Variants in GTF2A2 observed in about 807,000 individuals in gnomAD.
The protein encoded by GTF2A2 is transcription initiation factor IIA subunit 2.
A neutral mutation model predicts 14.3 loss-of-function variants in GTF2A2; 9 were observed. The ratio of observed to expected loss-of-function variants is 0.63; its 90% CI spans 0.38 to 1.10. The LOEUF (loss-of-function observed/expected upper bound fraction) is 1.10. GTF2A2 is among the 50% of genes least tolerant of loss of function. GTF2A2 has a pLI of 0.01. For synonymous variants in GTF2A2, 56 were observed against 46.0 expected (o/e 1.22, Z -0.88); for missense variants, 90 against 124.6 (o/e 0.72, Z 1.32).
intron 1 of GTF2A2, among the ~76,000 whole-genome samples, chr15:59,655,561 G>T (rs1356452458): frequency 6.6e-6 from 1 of 152,140 alleles, no homozygotes; most frequent in African/African-American, 2.4e-5. Context: ...CTGTTTGCTG[G>T]TTGATCCCGT....
Position 59,638,397 on chromosome 15 carries a change from A to G in GTF2A2, c.*735T>C, listed in dbSNP as rs2141952157. 1 of 152,102 alleles carries G rather than the reference A, an allele frequency of 6.6e-6. No individual in the cohort carries two copies. Among genetic ancestry groups the G allele is most frequent in the South Asian group, 2.1e-4 (1 of 4,812 alleles). The allele number at this position is 152,102 out of a possible 1,614,324, so 9.4% of individuals were successfully genotyped here. A position where few individuals can be genotyped will look rare whatever the true frequency, so the allele number is the denominator to read the frequency against. On this transcript the variant is annotated 3_prime_UTR_variant, in exon 5 of 5. Coordinates refer to ENST00000396060, the MANE Select transcript of GTF2A2 (RefSeq NM_004492.3). The stretch of plus-strand genomic sequence containing the variant: ...TGCAAGCACAATCCACTGACATAAA[A>G]GTCTAATAATTAGACTTTATTGTAA...
chr15:59,639,364 A>T (rs1891308347), intron 4 of GTF2A2, among the ~76,000 whole-genome samples: 1 of 152,154 alleles, frequency 6.6e-6, no homozygotes, highest in African/African-American at 2.4e-5. Flanking sequence ...AAAGATGCTT[A>T]GCTCCTCATA....
Position 59,644,601 on chromosome 15 carries a change from A to G in GTF2A2, c.178-2339T>C, listed in dbSNP as rs187940337. Among the ~76,000 whole-genome samples, 3 of 152,366 alleles carry G rather than the reference A, an allele frequency of 2.0e-5. No homozygotes were observed. In the East Asian group the frequency reaches 5.8e-4, roughly 29 times the overall value. On this transcript the variant is annotated intron_variant, in intron 3 of 4. Transcript: ENST00000396060. ...ATACGTAGTATAACAGTGCTATGAA[A>G]GAGTAAGTTACTGGGTACAATGAGA...
intron 3 of GTF2A2, among the ~76,000 whole-genome samples, chr15:59,643,995 A>G (rs1289993894): frequency 6.6e-6 from 1 of 152,136 alleles, no homozygotes; most frequent in Non-Finnish European, 1.5e-5. Flanking sequence ...CCCAGGTTCA[A>G]GTGATTCTCC....
At chr15:59,650,582 A>T (rs111866289) in intron 3 of GTF2A2, 87 bp downstream of exon 3, 5 of 700,564 alleles carry the variant, frequency 7.1e-6, no homozygotes, top group Non-Finnish European at 1.2e-5. Flanking sequence ...TCCTCTTATG[A>T]TTAATAAATA....
intron 3 of GTF2A2, among the ~76,000 whole-genome samples, chr15:59,650,207 T>A (rs751088991): frequency 6.6e-6 from 1 of 152,176 alleles, no homozygotes; most frequent in Non-Finnish European, 1.5e-5. Context: ...TTATCTACCA[T>A]TAGAGATCAG....
At chr15:59,639,792 C>G (rs1376060740) in intron 4 of GTF2A2, among the ~76,000 whole-genome samples, 3 of 151,228 alleles carry the variant, frequency 2.0e-5, no homozygotes, top group African/African-American at 7.3e-5. Context: ...ACTGTGTTGC[C>G]CAGGCTGGAG....
At chr15:59,646,128 C>G (rs985421457) in intron 3 of GTF2A2, among the ~76,000 whole-genome samples, 69 of 151,988 alleles carry the variant, frequency 4.5e-4, no homozygotes, top group African/African-American at 1.5e-3. Context: ...GTGATCTTGG[C>G]TCACTGCAAC....
intron 4 of GTF2A2, among the ~76,000 whole-genome samples, chr15:59,639,893 G>A (rs796088702): frequency 6.6e-6 from 1 of 152,102 alleles, no homozygotes; most frequent in African/African-American, 2.4e-5. Context: ...TGGGATTACA[G>A]GCGGGTACCA....
At chr15:59,640,823 A>C (rs1226097998) in intron 4 of GTF2A2, among the ~76,000 whole-genome samples, 4 of 152,092 alleles carry the variant, frequency 2.6e-5, no homozygotes, top group African/African-American at 9.7e-5. Flanking sequence ...AAACAGCACC[A>C]CCTTCACAGG....
Position 59,642,260 on chromosome 15 carries a change from G to A in GTF2A2, c.180C>T (p.Gly60=). 4 of 1,595,196 alleles carry A rather than the reference G, an allele frequency of 2.5e-6. No individual in the cohort carries two copies. Among genetic ancestry groups the A allele is most frequent in the Non-Finnish European group, 1.7e-6 (2 of 1,172,842 alleles). Residue 60 remains glycine (G), a splice_region_variant and synonymous_variant, in exon 4 of 5, where the codon GGC becomes GGT. Transcript: ENST00000396060. ...QRVRNRVNFR[G]SLNTYRFCDN... is the part of the protein sequence containing the mutation. ...CGCAGAATCTGTACGTATTTAGAGA[G>A]CCCTTTAAAACAAAACATTTAGAAA...
chr15:59,657,053 G>C (rs1426098315), intron 1 of GTF2A2: 5 of 152,264 alleles, frequency 3.3e-5, no homozygotes, highest in African/African-American at 1.2e-4. Flanking sequence ...ACAGGAATGA[G>C]ACATTTAAAA....
chr15:59,642,307 C>G (rs1323335476), intron 3 of GTF2A2, 45 bp from the exon 4 acceptor site: 1 of 1,530,430 alleles, frequency 6.5e-7, no homozygotes. Context: ...GTTTTTTCCC[C>G]TCACATTTTT....
intron 1 of GTF2A2, 89 bp from the exon 2 acceptor site, chr15:59,652,415 T>C (rs549205369): frequency 3.4e-6 from 2 of 586,762 alleles, no homozygotes; most frequent in African/African-American, 1.9e-5. Context: ...AATATTCTAA[T>C]ATAGAACTAG....
At chr15:59,647,631 T>A (rs1891648492) in intron 3 of GTF2A2, among the ~76,000 whole-genome samples, 1 of 152,130 alleles carries the variant, frequency 6.6e-6, no homozygotes, top group African/African-American at 2.4e-5. Context: ...CAAGCTAGAG[T>A]GCAGTGGCGC....
intron 3 of GTF2A2, among the ~76,000 whole-genome samples, chr15:59,649,806 G>A (rs1364120250): frequency 6.6e-6 from 1 of 151,990 alleles, no homozygotes; most frequent in Non-Finnish European, 1.5e-5. Flanking sequence ...TTTCATCTCT[G>A]TGTATCTAGA....
At chr15:59,644,447 A>G (rs1430311934) in intron 3 of GTF2A2, 5 of 152,242 alleles carry the variant, frequency 3.3e-5, no homozygotes, top group Non-Finnish European at 2.9e-5. Context: ...GATAGCTATG[A>G]ATGAATGAAT....
rs1891279523 is a variant in GTF2A2, at chr15:59,638,931, A to T, written c.*201T>A. ...AAGGCAACAACTTTTGTCCTTAAAA[A>T]AAAGTTATGGTTTTTCATGCTGTAT... On this transcript the variant is annotated 3_prime_UTR_variant, in exon 5 of 5. Coordinates refer to ENST00000396060, the MANE Select transcript of GTF2A2 (RefSeq NM_004492.3). 6.1e-6 allele frequency: 3 copies of T among 495,272 alleles called. No homozygotes were observed. The allele number at this position is 495,272 out of a possible 1,614,324, so 30.7% of individuals were successfully genotyped here. A position where few individuals can be genotyped will look rare whatever the true frequency, so the allele number is the denominator to read the frequency against.
At chr15:59,649,561 A>G (rs895637069) in intron 3 of GTF2A2, among the ~76,000 whole-genome samples, 5 of 152,182 alleles carry the variant, frequency 3.3e-5, no homozygotes, top group African/African-American at 1.2e-4. Flanking sequence ...AACACAAACT[A>G]ATTTTGGCAG....
Sources: allele counts gnomAD v4.1 joint callset (sites outside exome capture counted in the v4.1 genomes callset), GRCh38; gene constraint gnomAD v4.1.1; transcripts MANE v1.5; gene names NCBI Gene and HGNC (gene_info 2026-07-23, HGNC 2026-07-21).